Variants in ERBIN observed in about 807,000 individuals in gnomAD.
ERBIN encodes the protein densin-180-like protein.
In ERBIN, 60 loss-of-function variants were observed where a neutral mutation model predicts 158.4. The ratio of observed to expected loss-of-function variants is 0.38; its 90% CI spans 0.31 to 0.47. The LOEUF (loss-of-function observed/expected upper bound fraction) is 0.47, where lower values mean the gene tolerates loss of function less well. ERBIN is among the 20% of genes least tolerant of loss of function. The pLI is 0.99. For synonymous variants in ERBIN, 594 were observed against 557.2 expected, an observed-to-expected ratio of 1.07 and a Z score of -0.93; for missense variants, 1,610 against 1,648.0, an observed-to-expected ratio of 0.98 and a Z score of 0.40.
chr5:66,021,305 T>G lies in ERBIN; in HGVS notation c.534-17T>G. 1 of 1,514,900 alleles carries G rather than the reference T, an allele frequency of 6.6e-7. No individual in the cohort carries two copies. The highest frequency in any genetic ancestry group is 9.0e-7 in the Non-Finnish European group (1 of 1,107,592). 93.8% of individuals were successfully genotyped at this position (1,514,900 alleles called of 1,614,324 possible). A position where few individuals can be genotyped will look rare whatever the true frequency, so the allele number is the denominator to read the frequency against. ...GATATTTTTCTAGTTAATTTTTCAT[T>G]ACTCCATTATGAACAGAACTATGAA... On this transcript the variant is annotated splice_polypyrimidine_tract_variant and intron_variant, in intron 7 of 25. Transcript: ENST00000284037.
At chr5:65,993,535 C>T (rs1375416761) in intron 3 of ERBIN, among the ~76,000 whole-genome samples, 1 of 152,002 alleles carries the variant, frequency 6.6e-6, no homozygotes, top group African/African-American at 2.4e-5. Context: ...CCCAGTCTCT[C>T]ATTATCCTAT....
At chr5:65,963,655 A>G (rs1748182120) in intron 1 of ERBIN, among the ~76,000 whole-genome samples, 1 of 152,206 alleles carries the variant, frequency 6.6e-6, no homozygotes, top group African/African-American at 2.4e-5. Flanking sequence ...CTTAGGGAAA[A>G]TAAATGAGAA....
intron 1 of ERBIN, among the ~76,000 whole-genome samples, chr5:65,955,334 A>G (rs1746972421): frequency 6.6e-6 from 1 of 152,150 alleles, no homozygotes; most frequent in Admixed American, 6.5e-5. Context: ...TTGAAAAGAA[A>G]ATCAACTCTG....
Position 65,973,616 on chromosome 5 carries a change from C to T in ERBIN, c.-57-15019C>T, listed in dbSNP as rs143054599. Among the ~76,000 whole-genome samples, 41 of 151,112 alleles carry T rather than the reference C, an allele frequency of 2.7e-4. No homozygotes were observed. In the East Asian group the frequency reaches 7.7e-3, roughly 28 times the overall value. On this transcript the variant is annotated intron_variant, in intron 1 of 25. Coordinates refer to ENST00000284037, the MANE Select transcript of ERBIN (RefSeq NM_001253697.2). The stretch of plus-strand genomic sequence containing the variant: ...AGTTTCTAGGGCAGTAGACACACTG[C>T]ATAAAAACATTTTATTTATAGTCAC...
At chr5:65,986,237 A>AT (rs1416333878) in intron 1 of ERBIN, among the ~76,000 whole-genome samples, 1 of 152,208 alleles carries the variant, frequency 6.6e-6, no homozygotes, top group Non-Finnish European at 1.5e-5. Flanking sequence ...TCCTACTCAG[A>AT]TATCTTTCAA....
intron 21 of ERBIN, among the ~76,000 whole-genome samples, chr5:66,057,478 A>T (rs188152124): frequency 6.6e-6 from 1 of 152,128 alleles, no homozygotes; most frequent in East Asian, 1.9e-4. Context: ...ATGATGGTAA[A>T]ATAATTATTT....
chr5:66,064,049 ATCTG>A (rs1185928326), intron 21 of ERBIN, among the ~76,000 whole-genome samples: 1 of 152,244 alleles, frequency 6.6e-6, no homozygotes, highest in East Asian at 1.9e-4. Flanking sequence ...GCTAGTAATT[ATCTG>A]TCGGTGAGAT....
chr5:65,931,615 AAAAT>A (rs1343149794), intron 1 of ERBIN, among the ~76,000 whole-genome samples: 14 of 152,198 alleles, frequency 9.2e-5, no homozygotes, highest in East Asian at 3.8e-4. Flanking sequence ...ATTGTTTTCT[AAAAT>A]AAATAGCAAA....
intron 1 of ERBIN, among the ~76,000 whole-genome samples, chr5:65,950,219 A>G (rs59575978): frequency 0.039 from 5,836 of 151,280 alleles, 376 homozygotes; most frequent in African/African-American, 0.14. Context: ...GTTAGCCAGG[A>G]TGGTCTCGAT....
At chr5:66,040,447 C>T (rs1757813825) in intron 15 of ERBIN, among the ~76,000 whole-genome samples, 1 of 151,804 alleles carries the variant, frequency 6.6e-6, no homozygotes, top group South Asian at 2.1e-4. Context: ...CAAAATCTTG[C>T]CACTACTAAA....
rs1762295973 is a variant in ERBIN at position 66,079,733 on chromosome 5, C to G, written c.*1203C>G. On this transcript the variant is annotated 3_prime_UTR_variant, in exon 26 of 26. Transcript: ENST00000284037. ...GTGTTCAAATAAAGGGCTGTTTCTA[C>G]AGGTAACATTAAATGTGAACTCAAC... The G allele has an allele frequency of 1.3e-5, 2 of 152,566 alleles. No individual in the cohort carries two copies. The highest frequency in any genetic ancestry group is 1.3e-4 in the Admixed American group (2 of 15,272). The allele number at this position is 152,566 out of a possible 1,614,324, so 9.5% of individuals were successfully genotyped here.
chr5:66,015,114 C>G (rs189162556), intron 7 of ERBIN, among the ~76,000 whole-genome samples: 81 of 152,158 alleles, frequency 5.3e-4, no homozygotes, highest in African/African-American at 1.8e-3. Context: ...AACGGTAGAA[C>G]TTGATTGTCT....
At chr5:66,069,147 C>G (rs1761302694) in intron 21 of ERBIN, 2 of 785,730 alleles carry the variant, frequency 2.5e-6, no homozygotes, top group South Asian at 2.8e-5. Context: ...CCTCTGAGTT[C>G]TTCCATGGCT....
At chr5:65,969,274 T>C (rs1327892211) in intron 1 of ERBIN, among the ~76,000 whole-genome samples, 1 of 152,200 alleles carries the variant, frequency 6.6e-6, no homozygotes, top group Non-Finnish European at 1.5e-5. Flanking sequence ...AGAAACAAGT[T>C]ACTCTTATGT....
intron 1 of ERBIN, among the ~76,000 whole-genome samples, chr5:65,944,755 A>T (rs547364349): frequency 6.6e-6 from 1 of 152,270 alleles, no homozygotes; most frequent in Admixed American, 6.5e-5. Context: ...GAGTATCTTT[A>T]TATGTACTTT....
rs1446372604 is a variant in ERBIN, at chr5:65,940,589, T to G, written c.-58+13783T>G. On this transcript the variant is annotated intron_variant, in intron 1 of 25. Transcript: ENST00000284037. ...AGGGGCGCCTCTGCCCGGCCGCCCC[T>G]ACTGGGAAGTGAGGAGCCCCTCTGC... Among the ~76,000 whole-genome samples the G allele has an allele frequency of 2.1e-3, 181 of 85,926 alleles. 11 individuals carry two copies. Among genetic ancestry groups the G allele is most frequent in the African/African-American group, 7.4e-3 (155 of 21,070 alleles). The allele number at this position is 85,926 out of a possible 152,430, so 56.4% of individuals were successfully genotyped here. A position where few individuals can be genotyped will look rare whatever the true frequency, so the allele number is the denominator to read the frequency against.
At position 66,054,063 on chromosome 5, in the gene ERBIN, T is replaced by G; in HGVS notation, c.2745T>G (p.Ser915=). 1 of 1,614,198 alleles carries G rather than the reference T, an allele frequency of 6.2e-7. No individual in the cohort carries two copies. Among genetic ancestry groups the G allele is most frequent in the Non-Finnish European group, 8.5e-7 (1 of 1,180,030 alleles). ...GAAAAAATATAGTCAGGAGCAAGTCTGCCACACTGTTGTATGATCAACCAT... is the reference window on the plus strand; with the variant it reads ...GAAAAAATATAGTCAGGAGCAAGTCGGCCACACTGTTGTATGATCAACCAT... ...VDGKNIVRSK[S]ATLLYDQPLQ... Residue 915 remains serine (S), a synonymous_variant, in exon 21 of 26, where the codon TCT becomes TCG. Coordinates refer to ENST00000284037, the MANE Select transcript of ERBIN (RefSeq NM_001253697.2).
intron 17 of ERBIN, among the ~76,000 whole-genome samples, chr5:66,045,123 G>A (rs1017910431): frequency 5.3e-5 from 8 of 151,984 alleles, no homozygotes; most frequent in Non-Finnish European, 8.8e-5. Flanking sequence ...GAGACTTGAG[G>A]TGAGAGGATC....
At chr5:65,989,048 C>T (rs1259212154) in intron 2 of ERBIN, among the ~76,000 whole-genome samples, 1 of 14,006 alleles carries the variant, frequency 7.1e-5, no homozygotes, top group African/African-American at 1.2e-4. Flanking sequence ...CTTTCTTCTT[C>T]GTTGTGATTA....
Sources: gnomAD v4.1 joint callset for allele counts (sites outside exome capture counted in the v4.1 genomes callset) on GRCh38, gnomAD v4.1.1 for gene constraint, MANE v1.5 for transcripts, NCBI Gene and HGNC (gene_info 2026-07-23, HGNC 2026-07-21) for gene names.